The following CLN8 variants were observed in gnomAD, a reference collection of about 807,000 sequenced individuals.
The protein encoded by CLN8 is protein CLN8.
CLN8 carries 14 observed loss-of-function variants against 15.7 expected under a neutral mutation model. The observed-to-expected ratio is 0.89, with a 90% confidence interval of 0.59 to 1.39. The LOEUF is 1.39. Ranked by LOEUF, CLN8 falls within the 40% of genes most tolerant of loss-of-function variation. The probability of loss-of-function intolerance (pLI) is 0.00; values close to 1 mark genes in which losing one functional copy is unlikely to be tolerated. For missense variants in CLN8, 415 were observed against 364.0 expected (o/e 1.14, Z -1.14); for synonymous variants, 188 against 151.0 (o/e 1.25, Z -1.80).
intron 2 of CLN8, among the ~76,000 whole-genome samples, chr8:1,779,126 G>A (rs1161518727): frequency 6.6e-6 from 1 of 152,200 alleles, no homozygotes; most frequent in Non-Finnish European, 1.5e-5. Flanking sequence ...TATCATCTTT[G>A]CACCATAAAA....
At chr8:1,761,469 C>G (rs186667528), upstream of CLN8, among the ~76,000 whole-genome samples, 8 of 152,170 alleles carry the variant, frequency 5.3e-5, no homozygotes, top group African/African-American at 1.7e-4. Flanking sequence ...GCATTACAGG[C>G]GTGCACCACC....
rs1801715174 is a variant in CLN8, at chr8:1,781,601, T to C, written c.*1034T>C. ...GAAGTTATTATTCATACTGTGTTGC[T>C]CATTTGACAAAATAAGGTAAGGATT... On this transcript the variant is annotated 3_prime_UTR_variant, in exon 3 of 3. Transcript: ENST00000331222. 1 of 152,082 alleles carries C rather than the reference T, an allele frequency of 6.6e-6. No individual in the cohort carries two copies. The highest frequency in any genetic ancestry group is 1.5e-5 in the Non-Finnish European group (1 of 68,026). The allele number at this position is 152,082 out of a possible 1,614,324, so 9.4% of individuals were successfully genotyped here.
Position 1,783,122 on chromosome 8 carries a change from G to A in CLN8, c.*2555G>A, listed in dbSNP as rs796223909. ...GGTCCTCACTGGCCTCAGTCTCCCT[G>A]ACCGGCAGTGTGAGGGGATGTAGCT... On this transcript the variant is annotated 3_prime_UTR_variant, in exon 3 of 3. Coordinates refer to ENST00000331222, the MANE Select transcript of CLN8 (RefSeq NM_018941.4). 6.6e-6 allele frequency: 1 copy of A among 152,310 alleles called. No individual in the cohort carries two copies. Among genetic ancestry groups the A allele is most frequent in the Admixed American group, 6.5e-5 (1 of 15,286 alleles). The allele number at this position is 152,310 out of a possible 1,614,324, so 9.4% of individuals were successfully genotyped here. A position where few individuals can be genotyped will look rare whatever the true frequency, so the allele number is the denominator to read the frequency against.
chr8:1,757,464 G>A (rs548334512), intron 1 of CLN8, among the ~76,000 whole-genome samples: 1 of 152,262 alleles, frequency 6.6e-6, no homozygotes, highest in South Asian at 2.1e-4. Flanking sequence ...TTTTTGAGAT[G>A]GAGTCTTGCT....
chr8:1,759,032 C>T (rs1800732872), upstream of CLN8: 2 of 152,134 alleles, frequency 1.3e-5, no homozygotes, highest in Admixed American at 6.6e-5. Flanking sequence ...TCTTCCAGGG[C>T]CTGCTCTCTA....
Position 1,782,482 on chromosome 8 carries a change from A to G in CLN8, c.*1915A>G, listed in dbSNP as rs945600082. The G allele has an allele frequency of 2.6e-5, 4 of 152,156 alleles. No homozygotes were observed. The highest frequency in any genetic ancestry group is 5.9e-5 in the Non-Finnish European group (4 of 68,034). The allele number at this position is 152,156 out of a possible 1,614,324, so 9.4% of individuals were successfully genotyped here. A position where few individuals can be genotyped will look rare whatever the true frequency, so the allele number is the denominator to read the frequency against. On this transcript the variant is annotated 3_prime_UTR_variant, in exon 3 of 3. Transcript: ENST00000331222. Reference sequence around the variant, plus strand: ...TTTTGATTGCTGGTGCTTTAACTATATTGACCAAGGTGTATAGTAACCTAT... The same window carrying G: ...TTTTGATTGCTGGTGCTTTAACTATGTTGACCAAGGTGTATAGTAACCTAT...
Position 1,785,333 on chromosome 8 carries a change from G to T in CLN8, c.*4766G>T, listed in dbSNP as rs1451523909. The T allele has an allele frequency of 5.9e-6, 1 of 169,698 alleles. No homozygotes were observed. The highest frequency in any genetic ancestry group is 2.5e-5 in the African/African-American group (1 of 40,634). The allele number at this position is 169,698 out of a possible 1,614,324, so 10.5% of individuals were successfully genotyped here. The stretch of plus-strand genomic sequence containing the variant: ...GCGGCGTGCGGTTAGACAGGTACCG[G>T]TCAGATTACGGTGGCACAGGCGGCG... On this transcript the variant is annotated 3_prime_UTR_variant, in exon 3 of 3. Transcript: ENST00000331222.
chr8:1,784,505 C>G lies in CLN8; in HGVS notation c.*3938C>G, dbSNP rs1288569780. ...CCACCTCTTAATACCACCGCAATGACAATTACAATGTCATGTGAATTCTGG... is the reference window on the plus strand; with the variant it reads ...CCACCTCTTAATACCACCGCAATGAGAATTACAATGTCATGTGAATTCTGG... On this transcript the variant is annotated 3_prime_UTR_variant, in exon 3 of 3. Transcript: ENST00000331222. 6.6e-6 allele frequency: 1 copy of G among 152,244 alleles called. No individual in the cohort carries two copies. Among genetic ancestry groups the G allele is most frequent in the Non-Finnish European group, 1.5e-5 (1 of 68,058 alleles). 9.4% of individuals were successfully genotyped at this position (152,244 alleles called of 1,614,324 possible). A position where few individuals can be genotyped will look rare whatever the true frequency, so the allele number is the denominator to read the frequency against.
chr8:1,780,729 T>A lies in CLN8; in HGVS notation c.*162T>A. On this transcript the variant is annotated 3_prime_UTR_variant, in exon 3 of 3. Coordinates refer to ENST00000331222, the MANE Select transcript of CLN8 (RefSeq NM_018941.4). ...GCATTAGTATTAATTTTGAAGTAGC[T>A]ACAAAGTATTTTTAAGAAATTATAA... 2 of 677,866 alleles carry A rather than the reference T, an allele frequency of 3.0e-6. No homozygotes were observed. Among genetic ancestry groups the A allele is most frequent in the Non-Finnish European group, 4.9e-6 (2 of 407,628 alleles). 42.0% of individuals were successfully genotyped at this position (677,866 alleles called of 1,614,324 possible).
intron 2 of CLN8, among the ~76,000 whole-genome samples, chr8:1,776,555 C>G (rs764589941): frequency 2.6e-5 from 4 of 152,134 alleles, no homozygotes; most frequent in Non-Finnish European, 5.9e-5. Flanking sequence ...GTTCTGGAAT[C>G]TGGACTCTGT....
At position 1,783,717 on chromosome 8, in the gene CLN8, G is replaced by A. The variant is rs575145815; in HGVS notation, c.*3150G>A. 1 of 152,240 alleles carries A rather than the reference G, an allele frequency of 6.6e-6. No homozygotes were observed. The highest frequency in any genetic ancestry group is 2.1e-4 in the South Asian group (1 of 4,816). The allele number at this position is 152,240 out of a possible 1,614,324, so 9.4% of individuals were successfully genotyped here. On this transcript the variant is annotated 3_prime_UTR_variant, in exon 3 of 3. Transcript: ENST00000331222. ...AGTTCAGTGTGAGATTTTTTACCAG[G>A]TATTGCGCTTAAGGGACATGATTTT...
At position 1,783,817 on chromosome 8, in the gene CLN8, C is replaced by T. The variant is rs1801765391; in HGVS notation, c.*3250C>T. 1.3e-5 allele frequency: 2 copies of T among 152,228 alleles called. No homozygotes were observed. The highest frequency in any genetic ancestry group is 4.1e-4 in the South Asian group (2 of 4,832). 9.4% of individuals were successfully genotyped at this position (152,228 alleles called of 1,614,324 possible). A position where few individuals can be genotyped will look rare whatever the true frequency, so the allele number is the denominator to read the frequency against. On this transcript the variant is annotated 3_prime_UTR_variant, in exon 3 of 3. Transcript: ENST00000331222. ...ACTTCTGTCGAGGAGCTTCGGGGCT[C>T]AGAGAGGTGATGACGTGCCCAAGGT...
rs930312929 is a variant in CLN8 at position 1,783,452 on chromosome 8, G to C, written c.*2885G>C. 6 of 152,272 alleles carry C rather than the reference G, an allele frequency of 3.9e-5. No homozygotes were observed. Among genetic ancestry groups the C allele is most frequent in the African/African-American group, 1.4e-4 (6 of 41,468 alleles). The allele number at this position is 152,272 out of a possible 1,614,324, so 9.4% of individuals were successfully genotyped here. ...CGTTTAGCCAGGATGTGGCTCTCCAGCTTGGCTTCAGTGTGATCACTTGTC... is the reference window on the plus strand; with the variant it reads ...CGTTTAGCCAGGATGTGGCTCTCCACCTTGGCTTCAGTGTGATCACTTGTC... On this transcript the variant is annotated 3_prime_UTR_variant, in exon 3 of 3. Coordinates refer to ENST00000331222, the MANE Select transcript of CLN8 (RefSeq NM_018941.4).
chr8:1,766,808 C>A (rs1007502467), intron 1 of CLN8, among the ~76,000 whole-genome samples: 2 of 152,212 alleles, frequency 1.3e-5, no homozygotes, highest in East Asian at 3.8e-4. Flanking sequence ...CAGTGGGAAC[C>A]CCTGTGTCCC....
At chr8:1,756,309 C>A (rs1800668210) in intron 1 of CLN8, among the ~76,000 whole-genome samples, 1 of 152,036 alleles carries the variant, frequency 6.6e-6, no homozygotes, top group African/African-American at 2.4e-5. Context: ...TAGTAAAACC[C>A]CGTCTGTACT....
chr8:1,753,569 CAAAA>C (rs71190758), upstream of CLN8, among the ~76,000 whole-genome samples: 24 of 102,622 alleles, frequency 2.3e-4, no homozygotes, highest in Admixed American at 7.3e-4. Flanking sequence ...GAAACTGTTT[CAAAA>C]AAAAAAAAAA....
intron 1 of CLN8, among the ~76,000 whole-genome samples, chr8:1,756,564 T>C (rs748652350): frequency 1.3e-5 from 2 of 152,008 alleles, no homozygotes; most frequent in Admixed American, 6.6e-5. Flanking sequence ...TTATGCTGTA[T>C]GTTTGGGGGA....
chr8:1,761,644 A>G (rs1473315362), upstream of CLN8, among the ~76,000 whole-genome samples: 1 of 152,136 alleles, frequency 6.6e-6, no homozygotes, highest in Admixed American at 6.5e-5. Flanking sequence ...AGAGTTTTTA[A>G]GGATAATTTG....
chr8:1,778,942 C>T (rs1011487053), intron 2 of CLN8, among the ~76,000 whole-genome samples: 6 of 152,182 alleles, frequency 3.9e-5, no homozygotes, highest in African/African-American at 1.2e-4. Context: ...ATAGCCTGGC[C>T]TGCCTTTAAC....
Sources: gnomAD v4.1 joint callset for allele counts (sites outside exome capture counted in the v4.1 genomes callset) on GRCh38, gnomAD v4.1.1 for gene constraint, MANE v1.5 for transcripts, NCBI Gene and HGNC (gene_info 2026-07-23, HGNC 2026-07-21) for gene names.